Variants in CEP68 observed in about 807,000 individuals in gnomAD.
The protein encoded by CEP68 is centrosomal protein 68.
In CEP68, 26 loss-of-function variants were observed where a neutral mutation model predicts 55.3. The ratio of observed to expected loss-of-function variants is 0.47; its 90% CI spans 0.34 to 0.65. The LOEUF (loss-of-function observed/expected upper bound fraction) is 0.65, where lower values mean the gene tolerates loss of function less well. Among genes scored for constraint, CEP68 ranks in the 30% least tolerant of loss-of-function variants. The pLI, the probability that CEP68 is intolerant of heterozygous loss-of-function variation, is 0.01. For synonymous variants in CEP68, 402 were observed against 383.2 expected, an observed-to-expected ratio of 1.05 and a Z score of -0.57; for missense variants, 957 against 946.7, an observed-to-expected ratio of 1.01 and a Z score of -0.14.
At position 65,086,830 on chromosome 2, in the gene CEP68, T is replaced by C. The variant is rs536551798; in HGVS notation, c.*3196T>C. ...GTCAGTTGCCTTATGTGAGGATGAA[T>C]AGATCCACCAAGCACGCCTATAATA... On this transcript the variant is annotated 3_prime_UTR_variant, in exon 7 of 7. Transcript: ENST00000377990. The C allele has an allele frequency of 7.2e-5, 11 of 152,786 alleles. No individual in the cohort carries two copies. Among genetic ancestry groups the C allele is most frequent in the African/African-American group, 1.7e-4 (7 of 41,584 alleles). The allele number at this position is 152,786 out of a possible 1,614,324, so 9.5% of individuals were successfully genotyped here. A position where few individuals can be genotyped will look rare whatever the true frequency, so the allele number is the denominator to read the frequency against.
intron 2 of CEP68, 61 bp from the exon 3 acceptor site, chr2:65,071,393 C>T (rs1676451264): frequency 1.4e-6 from 2 of 1,419,154 alleles, no homozygotes; most frequent in Non-Finnish European, 2.0e-6. Flanking sequence ...GGGTTGTCAT[C>T]TAAGAAAGAA....
Position 65,069,512 on chromosome 2 carries a change from G to A in CEP68, c.68G>A (p.Arg23Lys). Residue 23 changes from arginine to lysine, a missense_variant, in exon 2 of 7, where the codon AGA (arginine) becomes AAA (lysine). Coordinates refer to ENST00000377990, the MANE Select transcript of CEP68 (RefSeq NM_015147.3). ...SEDTKAQSYG[R>K]GSCRERELDI... ...GACACAAAGGCCCAGTCCTATGGGA[G>A]AGGGAGCTGCAGGGAGCGGGAGCTG... 1 of 1,576,910 alleles carries A rather than the reference G, an allele frequency of 6.3e-7. No individual in the cohort carries two copies. Among genetic ancestry groups the A allele is most frequent in the Non-Finnish European group, 8.6e-7 (1 of 1,159,954 alleles).
chr2:65,079,869 C>A (rs1558568677), intron 5 of CEP68, among the ~76,000 whole-genome samples: 1 of 152,224 alleles, frequency 6.6e-6, no homozygotes, highest in Non-Finnish European at 1.5e-5. Context: ...CACGGTGGTT[C>A]ACGCCTGTAA....
At chr2:65,074,255 C>A (rs770564543) in intron 3 of CEP68, 27 bp from the exon 4 acceptor site, 8 of 1,612,878 alleles carry the variant, frequency 5.0e-6, no homozygotes, top group Non-Finnish European at 3.4e-6. Flanking sequence ...TCAGTAACAC[C>A]ATGTGTCCTT....
At position 65,072,741 on chromosome 2, in the gene CEP68, G is replaced by C; in HGVS notation, c.1645G>C (p.Gly549Arg). ...CCCTGGAGCTGCCCTCCAAGGATCT[G>C]GGGATCCTGAGGGCCAGAATCCCTG... ...LPPGAALQGS[G>R]DPEGQNPCFL... is the part of the protein sequence containing the mutation. The change falls in exon 3 of 7, where the codon GGG (glycine) becomes CGG (arginine). Residue 549 changes from glycine to arginine, a missense_variant. Physicochemically the swap from Gly to Arg is moderately radical, Grantham distance 125. Transcript: ENST00000377990. The C allele has an allele frequency of 1.2e-6, 2 of 1,614,102 alleles. No individual in the cohort carries two copies. The highest frequency in any genetic ancestry group is 1.7e-6 in the Non-Finnish European group (2 of 1,180,010).
rs778097732 is a variant in CEP68, at chr2:65,072,737, A to C, written c.1641A>C (p.Gly547=). Residue 547 remains glycine, a synonymous_variant, in exon 3 of 7, where the codon GGA becomes GGC. Transcript: ENST00000377990. ...SQLPPGAALQ[G]SGDPEGQNPC... ...TTCCCCCTGGAGCTGCCCTCCAAGGATCTGGGGATCCTGAGGGCCAGAATC... is the reference window on the plus strand; with the variant it reads ...TTCCCCCTGGAGCTGCCCTCCAAGGCTCTGGGGATCCTGAGGGCCAGAATC... The C allele has an allele frequency of 4.7e-5, 76 of 1,613,948 alleles. No homozygotes were observed. The highest frequency in any genetic ancestry group is 6.3e-5 in the Non-Finnish European group (74 of 1,180,006).
In CEP68 at chr2:65,072,253, A is replaced by T; in HGVS notation, c.1157A>T (p.Gln386Leu). Residue 386 changes from glutamine to leucine, a missense_variant, in exon 3 of 7, where the codon CAG (glutamine) becomes CTG (leucine). Gln to Leu is a moderately radical substitution (Grantham distance 113). Coordinates refer to ENST00000377990, the MANE Select transcript of CEP68 (RefSeq NM_015147.3). ...TGGCCCTCCAGAGTACCCCAGAAAC[A>T]GGGTGGCATGGGCTTGGCATCTTGG... The part of the protein sequence containing the change: ...KQWPSRVPQK[Q>L]GGMGLASWSQ... The T allele has an allele frequency of 6.2e-7, 1 of 1,614,032 alleles. No homozygotes were observed. The highest frequency in any genetic ancestry group is 8.5e-7 in the Non-Finnish European group (1 of 1,179,968).
chr2:65,057,041 A>G (rs1268084397), intron 1 of CEP68, among the ~76,000 whole-genome samples: 1 of 152,266 alleles, frequency 6.6e-6, no homozygotes, highest in Non-Finnish European at 1.5e-5. Flanking sequence ...ATGCGGAGAG[A>G]AAAAATCAAG....
chr2:65,072,395 G>T lies in CEP68; in HGVS notation c.1299G>T (p.Met433Ile). 1 of 1,613,872 alleles carries T rather than the reference G, an allele frequency of 6.2e-7. No individual in the cohort carries two copies. ...DRLTIGKHLD[M>I]GSPQLRTRDR... ...TGACTATAGGCAAGCACCTTGATAT[G>T]GGCTCTCCCCAGCTAAGGACACGGG... Residue 433 changes from methionine to isoleucine, a missense_variant, in exon 3 of 7, where the codon ATG (methionine) becomes ATT (isoleucine). By Grantham distance (10) the Met-to-Ile change is conservative. Transcript: ENST00000377990.
rs1206861754 is a variant in CEP68, at chr2:65,072,493, CAG to C, written c.1400_1401del (p.Glu467ValfsTer2). On this transcript the variant is annotated frameshift_variant, in exon 3 of 7. Transcript: ENST00000377990. LOFTEE classifies it high-confidence loss of function. ...CAGAGTGCCCGGCGCCCTACCTGCA[CAG>C]AGTCTAGGTGGAAATCAGAAGAGGA... 1 of 1,614,076 alleles carries C rather than the reference CAG, an allele frequency of 6.2e-7. No individual in the cohort carries two copies. The highest frequency in any genetic ancestry group is 2.2e-5 in the East Asian group (1 of 44,886).
chr2:65,060,489 GGA>G (rs1573014965), intron 1 of CEP68, among the ~76,000 whole-genome samples: 1 of 152,090 alleles, frequency 6.6e-6, no homozygotes, highest in East Asian at 1.9e-4. Flanking sequence ...CAGCATTTTG[GGA>G]GGCCAAGGAG....
At chr2:65,068,978 C>T (rs1380802698) in intron 1 of CEP68, among the ~76,000 whole-genome samples, 2 of 152,196 alleles carry the variant, frequency 1.3e-5, no homozygotes, top group Non-Finnish European at 2.9e-5. Flanking sequence ...CAGAGCCAGG[C>T]CTGAGTTGCT....
At chr2:65,071,213 G>A (rs1558560895) in intron 2 of CEP68, 1 of 544,658 alleles carries the variant, frequency 1.8e-6, no homozygotes, top group Non-Finnish European at 3.3e-6. Flanking sequence ...ACCTGTGGAG[G>A]AAGGAAGAAC....
Position 65,072,274 on chromosome 2 carries a change from C to T in CEP68, c.1178C>T (p.Ser393Phe). The change falls in exon 3 of 7, where the codon TCT (serine) becomes TTT (phenylalanine). Residue 393 changes from serine (S) to phenylalanine (F), a missense_variant. Physicochemically the swap from Ser to Phe is radical, Grantham distance 155 (BLOSUM62 -2). Coordinates refer to ENST00000377990, the MANE Select transcript of CEP68 (RefSeq NM_015147.3). ...AAACAGGGTGGCATGGGCTTGGCATCTTGGAGCCAACTTGCATCTACCCCC... is the reference window on the plus strand; with the variant it reads ...AAACAGGGTGGCATGGGCTTGGCATTTTGGAGCCAACTTGCATCTACCCCC... ...PQKQGGMGLA[S>F]WSQLASTPRA... 6.2e-7 allele frequency: 1 copy of T among 1,614,078 alleles called. No individual in the cohort carries two copies. The highest frequency in any genetic ancestry group is 8.5e-7 in the Non-Finnish European group (1 of 1,179,996).
rs771338793 is a variant in CEP68, at chr2:65,072,204, C to T, written c.1108C>T (p.Pro370Ser). 6.2e-7 allele frequency: 1 copy of T among 1,613,980 alleles called. No individual in the cohort carries two copies. The highest frequency in any genetic ancestry group is 2.2e-5 in the East Asian group (1 of 44,880). Residue 370 changes from proline (P) to serine (S), a missense_variant, in exon 3 of 7, where the codon CCC becomes TCC. Pro to Ser is a moderately conservative substitution (Grantham distance 74). Transcript: ENST00000377990. ...GGCCACTGCCCTGCCATTTTCTGGG[C>T]CCAGAGAGCCAAGCCTTAAGCAGTG... ...AEATALPFSG[P>S]REPSLKQWPS...
At chr2:65,074,434 C>A in intron 4 of CEP68, 30 bp downstream of exon 4, 1 of 1,613,778 alleles carries the variant, frequency 6.2e-7, no homozygotes. Flanking sequence ...CTGGCTTGTT[C>A]CCTCACAAGA....
chr2:65,079,906 G>A (rs1304448832), intron 5 of CEP68, among the ~76,000 whole-genome samples: 1 of 152,172 alleles, frequency 6.6e-6, no homozygotes, highest in Non-Finnish European at 1.5e-5. Context: ...GGCCAAGGTG[G>A]GCAGATCACC....
intron 5 of CEP68, among the ~76,000 whole-genome samples, chr2:65,081,843 C>T (rs531823245): frequency 6.6e-6 from 1 of 152,188 alleles, no homozygotes; most frequent in African/African-American, 2.4e-5. Flanking sequence ...TACAGGCATG[C>T]GCCACCACAC....
chr2:65,076,995 C>CTTTTT (rs573128823), intron 4 of CEP68, among the ~76,000 whole-genome samples: 2 of 118,282 alleles, frequency 1.7e-5, no homozygotes, highest in Admixed American at 9.9e-5. Flanking sequence ...TTGACTTTAC[C>CTTTTT]TTTTTTTTTT....
Sources: gnomAD v4.1 joint callset for allele counts (sites outside exome capture counted in the v4.1 genomes callset) on GRCh38, gnomAD v4.1.1 for gene constraint, MANE v1.5 for transcripts, NCBI Gene and HGNC (gene_info 2026-07-23, HGNC 2026-07-21) for gene names.